CAMK4: variants seen among roughly 807,000 people sequenced by gnomAD.
CAMK4 encodes calcium/calmodulin-dependent protein kinase type IV.
CAMK4 carries 22 observed loss-of-function variants against 44.9 expected under a neutral mutation model. That is an observed-to-expected ratio of 0.49 (90% CI 0.35 to 0.70). The LOEUF is 0.70. Among genes scored for constraint, CAMK4 ranks in the 30% least tolerant of loss-of-function variants. The pLI is 0.01. For synonymous variants in CAMK4, 218 were observed against 215.4 expected (o/e 1.01, Z -0.11); for missense variants, 498 against 586.8 (o/e 0.85, Z 1.56).
chr5:111,264,717 C>G (rs149158631), intron 1 of CAMK4, among the ~76,000 whole-genome samples: 2 of 152,218 alleles, frequency 1.3e-5, no homozygotes, highest in African/African-American at 4.8e-5. Context: ...ATTGAGCCCT[C>G]TTCTTTCATG....
chr5:111,481,470 T>C (rs1379000459), intron 9 of CAMK4, among the ~76,000 whole-genome samples: 1 of 152,176 alleles, frequency 6.6e-6, no homozygotes, highest in Admixed American at 6.5e-5. Flanking sequence ...CAAACACACA[T>C]TCTTTTGCAG....
At chr5:111,247,405 A>G (rs1018127467) in intron 1 of CAMK4, among the ~76,000 whole-genome samples, 3 of 147,778 alleles carry the variant, frequency 2.0e-5, no homozygotes, top group African/African-American at 4.9e-5. Flanking sequence ...ATATTTATAT[A>G]TAAATTTATG....
intron 5 of CAMK4, 132 bp from the exon 6 acceptor site, chr5:111,446,554 T>C: frequency 3.5e-6 from 2 of 572,294 alleles, no homozygotes; most frequent in Non-Finnish European, 6.3e-6. Context: ...TTTTCCTTTA[T>C]GGTACTTATT....
At chr5:111,227,657 G>A (rs75285253) in intron 1 of CAMK4, among the ~76,000 whole-genome samples, 1,825 of 152,312 alleles carry the variant, frequency 0.012, 24 homozygotes, top group East Asian at 0.058. Flanking sequence ...GCGAAGGCAG[G>A]TGCTGGCAGC....
intron 1 of CAMK4, among the ~76,000 whole-genome samples, chr5:111,283,785 TA>T (rs1457496594): frequency 1.3e-5 from 2 of 152,230 alleles, no homozygotes; most frequent in African/African-American, 2.4e-5. Context: ...GCTATCAATT[TA>T]AAACATACCA....
chr5:111,380,901 G>T (rs942887104), intron 4 of CAMK4, among the ~76,000 whole-genome samples: 3 of 152,124 alleles, frequency 2.0e-5, no homozygotes, highest in Admixed American at 1.3e-4. Flanking sequence ...CTTCCTAATG[G>T]CTGGTATACT....
At chr5:111,248,200 C>T (rs1365046625) in intron 1 of CAMK4, among the ~76,000 whole-genome samples, 2 of 152,170 alleles carry the variant, frequency 1.3e-5, no homozygotes, top group Admixed American at 6.5e-5. Context: ...TATCTTCTGT[C>T]TTCTTCACAA....
At chr5:111,368,482 T>G (rs1371234531) in intron 2 of CAMK4, among the ~76,000 whole-genome samples, 1 of 152,146 alleles carries the variant, frequency 6.6e-6, no homozygotes, top group African/African-American at 2.4e-5. Flanking sequence ...GACCCACACT[T>G]GTGTGATCTC....
At chr5:111,398,446 A>G (rs1429218174) in intron 5 of CAMK4, among the ~76,000 whole-genome samples, 2 of 152,104 alleles carry the variant, frequency 1.3e-5, no homozygotes, top group Non-Finnish European at 2.9e-5. Context: ...ACCTTTTTCT[A>G]CTATCTGTTC....
chr5:111,393,157 A>G (rs1751870856), intron 4 of CAMK4, among the ~76,000 whole-genome samples: 1 of 152,210 alleles, frequency 6.6e-6, no homozygotes, highest in Non-Finnish European at 1.5e-5. Flanking sequence ...GATTTTACCA[A>G]CTTGAAACTG....
chr5:111,315,245 C>T (rs896260407), intron 1 of CAMK4, among the ~76,000 whole-genome samples: 1 of 152,046 alleles, frequency 6.6e-6, no homozygotes, highest in African/African-American at 2.4e-5. Flanking sequence ...TACTTAGAAA[C>T]TTTTGGTAGC....
intron 1 of CAMK4, among the ~76,000 whole-genome samples, chr5:111,250,806 A>G (rs1749454181): frequency 6.6e-6 from 1 of 152,054 alleles, no homozygotes; most frequent in Non-Finnish European, 1.5e-5. Context: ...CAGTTTTCTC[A>G]TATTTTAAAA....
At chr5:111,481,668 C>T (rs1755438858) in intron 9 of CAMK4, among the ~76,000 whole-genome samples, 1 of 152,118 alleles carries the variant, frequency 6.6e-6, no homozygotes, top group Non-Finnish European at 1.5e-5. Context: ...ACCTTGGAGA[C>T]ATCATGCTGT....
At chr5:111,425,694 T>C (rs1222243408) in intron 5 of CAMK4, among the ~76,000 whole-genome samples, 2 of 152,232 alleles carry the variant, frequency 1.3e-5, no homozygotes, top group African/African-American at 4.8e-5. Context: ...TTGAAGAATT[T>C]ATTAACTTAT....
Position 111,485,877 on chromosome 5 carries a change from C to G in CAMK4, c.*1411C>G, listed in dbSNP as rs1411343947. 1 of 152,068 alleles carries G rather than the reference C, an allele frequency of 6.6e-6. No individual in the cohort carries two copies. The highest frequency in any genetic ancestry group is 1.5e-5 in the Non-Finnish European group (1 of 67,998). 9.4% of individuals were successfully genotyped at this position (152,068 alleles called of 1,614,324 possible). On this transcript the variant is annotated 3_prime_UTR_variant, in exon 11 of 11. Transcript: ENST00000282356. ...AAATTGCACTATCTCCAATTTATTT[C>G]TAGTTTGAGTTGAAATGAATATTTT...
intron 5 of CAMK4, among the ~76,000 whole-genome samples, chr5:111,417,227 A>ATTTT (rs70973606): frequency 1.4e-5 from 2 of 143,638 alleles, no homozygotes; most frequent in African/African-American, 2.6e-5. Flanking sequence ...CACCCAGCTA[A>ATTTT]TTTTTTTTTT....
At chr5:111,394,291 T>C (rs1363504590) in intron 4 of CAMK4, among the ~76,000 whole-genome samples, 1 of 152,206 alleles carries the variant, frequency 6.6e-6, no homozygotes, top group African/African-American at 2.4e-5. Context: ...AATTATATAA[T>C]GTCTGATGCG....
chr5:111,254,690 G>A (rs1271934153), intron 1 of CAMK4, among the ~76,000 whole-genome samples: 2 of 152,128 alleles, frequency 1.3e-5, no homozygotes, highest in Non-Finnish European at 2.9e-5. Flanking sequence ...CTGATTGCCA[G>A]CTCCCCCAGG....
chr5:111,411,104 C>T (rs2112895020), intron 5 of CAMK4, among the ~76,000 whole-genome samples: 1 of 152,246 alleles, frequency 6.6e-6, no homozygotes, highest in African/African-American at 2.4e-5. Flanking sequence ...TAAAAGGAAT[C>T]AGCATTGGAA....
Sources: gnomAD v4.1 joint callset for allele counts (sites outside exome capture counted in the v4.1 genomes callset) on GRCh38, gnomAD v4.1.1 for gene constraint, MANE v1.5 for transcripts, NCBI Gene and HGNC (gene_info 2026-07-23, HGNC 2026-07-21) for gene names.